The following MCM5 variants were observed in gnomAD, a reference collection of about 807,000 sequenced individuals.
The protein encoded by MCM5 is minichromosome maintenance complex component 5.
MCM5 carries 46 observed loss-of-function variants against 79.9 expected under a neutral mutation model. That is an observed-to-expected ratio of 0.58 (90% CI 0.45 to 0.74). MCM5 has a LOEUF of 0.74. MCM5 is among the 30% of genes least tolerant of loss of function. The pLI is 0.00. For synonymous variants in MCM5, 404 were observed against 390.5 expected (o/e 1.03, Z -0.41); for missense variants, 883 against 1,017.0 (o/e 0.87, Z 1.79).
rs533102764 is a variant in MCM5, at chr22:35,423,063, G to C, written c.1976-151G>C. Reference sequence around the variant, plus strand: ...GTGCCATATCCTGTCTCCTCAATCAGGCCTGCACCACCCTGGCACACTCGG... The same window carrying C: ...GTGCCATATCCTGTCTCCTCAATCACGCCTGCACCACCCTGGCACACTCGG... On this transcript the variant is annotated intron_variant, in intron 15 of 16. Transcript: ENST00000216122. 8.3e-6 allele frequency: 6 copies of C among 726,668 alleles called. No homozygotes were observed. In the South Asian group the frequency reaches 1.3e-4, roughly 16 times the overall value. 45.0% of individuals were successfully genotyped at this position (726,668 alleles called of 1,614,324 possible).
chr22:35,413,050 G>GT lies in MCM5; in HGVS notation c.1091+381dup, dbSNP rs372496118. Among the ~76,000 whole-genome samples, 384 of 144,896 alleles carry GT rather than the reference G, an allele frequency of 2.7e-3. 2 individuals are homozygous for GT. The highest frequency in any genetic ancestry group is 0.015 in the Middle Eastern group (4 of 272). ...TTCTTCCTATGCACAGCCATTCTTTGTTTTTTTTTTTTGAGACAGTCTCAC... is the reference window on the plus strand; with the variant it reads ...TTCTTCCTATGCACAGCCATTCTTTGTTTTTTTTTTTTTGAGACAGTCTCAC... On this transcript the variant is annotated intron_variant, in intron 8 of 16. Coordinates refer to ENST00000216122, the MANE Select transcript of MCM5 (RefSeq NM_006739.4).
At chr22:35,411,974 C>T (rs1297631883) in intron 7 of MCM5, among the ~76,000 whole-genome samples, 3 of 152,108 alleles carry the variant, frequency 2.0e-5, no homozygotes, top group Non-Finnish European at 4.4e-5. Flanking sequence ...CCCAAGTCAC[C>T]CTTGGTGCTC....
chr22:35,413,736 A>G, intron 8 of MCM5, 139 bp from the exon 9 acceptor site: 1 of 635,946 alleles, frequency 1.6e-6, no homozygotes, highest in Non-Finnish European at 2.9e-6. Flanking sequence ...GTCTCAGGCC[A>G]CAGCCACTAC....
At chr22:35,439,010 TCCATCC>T in the MCM5 span, among the ~76,000 whole-genome samples, 22 of 147,072 alleles carry the variant, frequency 1.5e-4, no homozygotes, top group African/African-American at 5.3e-4. Context: ...CATCCATCCA[TCCATCC>T]ATCCACATAT....
At chr22:35,402,331 GTTTTTTT>G (rs1196712784) in intron 2 of MCM5, among the ~76,000 whole-genome samples, 3 of 141,850 alleles carry the variant, frequency 2.1e-5, no homozygotes, top group South Asian at 4.5e-4. Context: ...TTTGTTTTTT[GTTTTTTT>G]TTTTTTGAGA....
Position 35,424,346 on chromosome 22 carries a change from T to A in MCM5, c.*91T>A, listed in dbSNP as rs1028718932. 25 of 935,442 alleles carry A rather than the reference T, an allele frequency of 2.7e-5. No homozygotes were observed. Among genetic ancestry groups the A allele is most frequent in the Non-Finnish European group, 4.0e-5 (25 of 621,146 alleles). The allele number at this position is 935,442 out of a possible 1,614,324, so 57.9% of individuals were successfully genotyped here. On this transcript the variant is annotated 3_prime_UTR_variant, in exon 17 of 17. Transcript: ENST00000216122. Reference sequence around the variant, plus strand: ...TGACAATGTTGCTGGGACCTCTGCCTCCCCACTGCAGCCCTCGAACTTCCC... The same window carrying A: ...TGACAATGTTGCTGGGACCTCTGCCACCCCACTGCAGCCCTCGAACTTCCC...
Position 35,424,465 on chromosome 22 carries a change from G to T in MCM5, c.*210G>T. The T allele has an allele frequency of 2.0e-6, 1 of 504,012 alleles. No individual in the cohort carries two copies. The highest frequency in any genetic ancestry group is 2.8e-5 in the South Asian group (1 of 35,930). 31.2% of individuals were successfully genotyped at this position (504,012 alleles called of 1,614,324 possible). A position where few individuals can be genotyped will look rare whatever the true frequency, so the allele number is the denominator to read the frequency against. On this transcript the variant is annotated 3_prime_UTR_variant, in exon 17 of 17. Coordinates refer to ENST00000216122, the MANE Select transcript of MCM5 (RefSeq NM_006739.4). ...GCGCGGTTCTGGGAAGTGTGCTTTT[G>T]GCATCCGTTAATAATAAAGCCACGG...
intron 9 of MCM5, 104 bp from the exon 10 acceptor site, chr22:35,415,725 G>T: frequency 3.1e-6 from 4 of 1,300,940 alleles, no homozygotes; most frequent in Non-Finnish European, 4.3e-6. Context: ...AGCCAGCTTT[G>T]ATGTGTGACC....
downstream of MCM5, among the ~76,000 whole-genome samples, chr22:35,429,952 C>T (rs1932801914): frequency 6.6e-6 from 1 of 152,342 alleles, no homozygotes; most frequent in Middle Eastern, 3.4e-3. Flanking sequence ...CTCCAAATCT[C>T]AGTTTCCGTG....
Position 35,414,105 on chromosome 22 carries a change from T to C in MCM5, c.1203+119T>C, listed in dbSNP as rs1932469339. 31 of 654,798 alleles carry C rather than the reference T, an allele frequency of 4.7e-5. 1 individual carries two copies. In the South Asian group the frequency reaches 5.5e-4, roughly 12 times the overall value. The allele number at this position is 654,798 out of a possible 1,614,324, so 40.6% of individuals were successfully genotyped here. The stretch of plus-strand genomic sequence containing the variant: ...GGCTCACCCGGAATCTCTTCCTCCT[T>C]TCTCTTGGCTGCGGTCAGGATGGCC... On this transcript the variant is annotated intron_variant, in intron 9 of 16. Coordinates refer to ENST00000216122, the MANE Select transcript of MCM5 (RefSeq NM_006739.4).
At chr22:35,426,865 C>G (rs1932782293), downstream of MCM5, among the ~76,000 whole-genome samples, 1 of 152,202 alleles carries the variant, frequency 6.6e-6, no homozygotes, top group Non-Finnish European at 1.5e-5. Flanking sequence ...CTGCATGGGT[C>G]TCTCAACTTC....
At chr22:35,419,448 C>G in intron 13 of MCM5, among the ~76,000 whole-genome samples, 1 of 152,204 alleles carries the variant, frequency 6.6e-6, no homozygotes, top group Admixed American at 6.5e-5. Context: ...TGGGTGTCAT[C>G]AGCTTGTCGT....
chr22:35,414,025 G>A (rs1932466607), intron 9 of MCM5, 39 bp downstream of exon 9: 3 of 1,436,290 alleles, frequency 2.1e-6, no homozygotes, highest in Non-Finnish European at 2.9e-6. Flanking sequence ...TTGGCTTGCA[G>A]GGAGGAAGGC....
chr22:35,412,217 G>A (rs1240052249), intron 7 of MCM5, among the ~76,000 whole-genome samples: 3 of 152,146 alleles, frequency 2.0e-5, no homozygotes, highest in Non-Finnish European at 2.9e-5. Context: ...ATCACTCCTC[G>A]GCTGAAAGGG....
the MCM5 span, among the ~76,000 whole-genome samples, chr22:35,450,330 G>GCC: frequency 1.4e-5 from 2 of 145,906 alleles, no homozygotes; most frequent in East Asian, 1.9e-4. Flanking sequence ...AAGGAAAACT[G>GCC]CCCCCGGGAC....
Position 35,403,516 on chromosome 22 carries a change from A to G in MCM5, c.397A>G (p.Ser133Gly), listed in dbSNP as rs1437116502. Reference sequence around the variant, plus strand: ...CCAGGTCATGCTCAAGTCGGACGCCAGCCCTTCCAGCATTCGTAGCCTGAA... The same window carrying G: ...CCAGGTCATGCTCAAGTCGGACGCCGGCCCTTCCAGCATTCGTAGCCTGAA... ...DIQVMLKSDA[S>G]PSSIRSLKSD... The change falls in exon 4 of 17, where the codon AGC (serine) becomes GGC (glycine). Residue 133 changes from serine (S) to glycine (G), a missense_variant. Around this residue, in one of 3 missense-constraint regions of MCM5, gnomAD observed 455 missense variants for 517.5 expected, o/e 0.88. Transcript: ENST00000216122. The G allele has an allele frequency of 6.2e-7, 1 of 1,613,950 alleles. No homozygotes were observed. Among genetic ancestry groups the G allele is most frequent in the Non-Finnish European group, 8.5e-7 (1 of 1,180,044 alleles).
At chr22:35,410,610 C>T (rs1348867369) in intron 6 of MCM5, 134 bp from the exon 7 acceptor site, 1 of 831,046 alleles carries the variant, frequency 1.2e-6, no homozygotes, top group Admixed American at 1.8e-5. Context: ...GGGGCTGGAG[C>T]CAGCTCAGCA....
chr22:35,413,310 C>T (rs1442740058), intron 8 of MCM5, among the ~76,000 whole-genome samples: 3 of 152,226 alleles, frequency 2.0e-5, no homozygotes, highest in Non-Finnish European at 4.4e-5. Flanking sequence ...TCCCAAAGTG[C>T]TGGGATTACA....
the MCM5 span, among the ~76,000 whole-genome samples, chr22:35,452,006 C>A: frequency 6.6e-6 from 1 of 152,314 alleles, no homozygotes; most frequent in Non-Finnish European, 1.5e-5. Flanking sequence ...CACCTGGGCC[C>A]CCACCTGCCC....
Sources: gnomAD v4.1 joint callset for allele counts (sites outside exome capture counted in the v4.1 genomes callset) on GRCh38, gnomAD v4.1.1 for gene constraint, gnomAD v4.1.1 regional missense constraint, MANE v1.5 for transcripts, NCBI Gene and HGNC (gene_info 2026-07-23, HGNC 2026-07-21) for gene names.